ZNF124: variants seen among roughly 807,000 people sequenced by gnomAD.
The protein encoded by ZNF124 is zinc finger protein 124.
A neutral mutation model predicts 26.6 loss-of-function variants in ZNF124; 25 were observed. That is an observed-to-expected ratio of 0.94 (90% CI 0.68 to 1.31). The LOEUF is 1.31. Ranked by LOEUF, ZNF124 falls within the 40% of genes most tolerant of loss-of-function variation. ZNF124 has a pLI of 0.00. For missense variants in ZNF124, 444 were observed against 422.2 expected, an observed-to-expected ratio of 1.05 and a Z score of -0.45; for synonymous variants, 129 against 133.3, an observed-to-expected ratio of 0.97 and a Z score of 0.22.
At chr1:247,138,337 T>G (rs953167887) in intron 3 of ZNF124, 2 of 158,076 alleles carry the variant, frequency 1.3e-5, no homozygotes, top group African/African-American at 4.8e-5. Flanking sequence ...TGGATGAAGC[T>G]GGAAGTCATC....
downstream of ZNF124, among the ~76,000 whole-genome samples, chr1:247,154,717 G>A (rs1306643406): frequency 6.6e-6 from 1 of 152,098 alleles, no homozygotes; most frequent in Non-Finnish European, 1.5e-5. Flanking sequence ...AAGTCAATTT[G>A]GCTGGGCACA....
intron 3 of ZNF124, among the ~76,000 whole-genome samples, chr1:247,146,770 G>A (rs893547376): frequency 1.4e-4 from 22 of 152,196 alleles, no homozygotes; most frequent in Admixed American, 1.3e-3. Flanking sequence ...ACATTGAGTT[G>A]TCACTGGATT....
chr1:247,168,008 C>A lies in ZNF124; in HGVS notation c.30+3840G>T, dbSNP rs1290025795. On this transcript the variant is annotated intron_variant, in intron 1 of 3. Transcript: ENST00000543802. The surrounding 1 kb of genome is among the most constrained non-coding windows in gnomAD (Gnocchi z 4.0). ...AAAACCATAATGAGATACCACCTTA[C>A]TCCTGTAAGAATGGCCATAATCATA... Among the ~76,000 whole-genome samples the A allele has an allele frequency of 6.6e-6, 1 of 152,194 alleles. No homozygotes were observed. The highest frequency in any genetic ancestry group is 1.5e-5 in the Non-Finnish European group (1 of 68,038).
chr1:247,158,765 G>T (rs974997490), intron 3 of ZNF124, among the ~76,000 whole-genome samples: 1 of 152,016 alleles, frequency 6.6e-6, no homozygotes, highest in African/African-American at 2.4e-5. Context: ...AAACAGCAGG[G>T]ATTACAGGCA....
chr1:247,139,894 T>C (rs1216326651), intron 3 of ZNF124, among the ~76,000 whole-genome samples: 1 of 152,206 alleles, frequency 6.6e-6, no homozygotes, highest in Non-Finnish European at 1.5e-5. Flanking sequence ...CCTTTGTAGG[T>C]GACCTGCCCT....
intron 3 of ZNF124, among the ~76,000 whole-genome samples, chr1:247,144,270 C>G (rs1285716862): frequency 6.6e-6 from 1 of 152,178 alleles, no homozygotes; most frequent in African/African-American, 2.4e-5. Flanking sequence ...AAGAATTTCA[C>G]CTTTATTCTG....
intron 1 of ZNF124, among the ~76,000 whole-genome samples, chr1:247,164,888 T>C (rs920572453): frequency 1.3e-5 from 2 of 151,986 alleles, no homozygotes; most frequent in South Asian, 2.1e-4. Context: ...CAAAACAGCA[T>C]GGTAATGGTA....
chr1:247,150,402 A>G (rs79938429), downstream of ZNF124, among the ~76,000 whole-genome samples: 3,915 of 152,340 alleles, frequency 0.026, 181 homozygotes, highest in African/African-American at 0.089. Flanking sequence ...CAGTCTTCAC[A>G]GAAAAGTCAG....
chr1:247,140,150 T>G (rs1672588821), intron 3 of ZNF124, among the ~76,000 whole-genome samples: 1 of 152,206 alleles, frequency 6.6e-6, no homozygotes, highest in Non-Finnish European at 1.5e-5. Flanking sequence ...TTGGCCACTT[T>G]ACAAAATACC....
intron 3 of ZNF124, among the ~76,000 whole-genome samples, chr1:247,144,334 C>T (rs546181206): frequency 2.0e-5 from 3 of 152,242 alleles, no homozygotes; most frequent in South Asian, 2.1e-4. Context: ...GATGAAATAG[C>T]GACAAAAATG....
intron 1 of ZNF124, among the ~76,000 whole-genome samples, chr1:247,163,572 C>G (rs1673615759): frequency 6.6e-6 from 1 of 151,672 alleles, no homozygotes; most frequent in African/African-American, 2.4e-5. Flanking sequence ...AACAAAAAAC[C>G]TCCCAAGATT....
rs1673912365 is a variant in ZNF124 at position 247,168,595 on chromosome 1, A to G, written c.30+3253T>C. Among the ~76,000 whole-genome samples, 1 of 152,230 alleles carries G rather than the reference A, an allele frequency of 6.6e-6. No individual in the cohort carries two copies. Among genetic ancestry groups the G allele is most frequent in the Admixed American group, 6.5e-5 (1 of 15,278 alleles). ...CATGTTAACAGTAGCACAATTTGCCACTGCAAAAATATGAAACAAACCTAA... is the reference window on the plus strand; with the variant it reads ...CATGTTAACAGTAGCACAATTTGCCGCTGCAAAAATATGAAACAAACCTAA... On this transcript the variant is annotated intron_variant, in intron 1 of 3. Transcript: ENST00000543802. This position sits in a 1 kb window ranked among gnomAD's most constrained non-coding sequence, Gnocchi z 4.0.
At chr1:247,131,604 C>G (rs971298967) in intron 3 of ZNF124, among the ~76,000 whole-genome samples, 3 of 152,232 alleles carry the variant, frequency 2.0e-5, no homozygotes, top group African/African-American at 7.2e-5. Context: ...CCTGCTTTAG[C>G]CAGGGAGGCT....
intron 2 of ZNF124, among the ~76,000 whole-genome samples, chr1:247,159,295 G>A (rs1572088727): frequency 6.6e-6 from 1 of 152,252 alleles, no homozygotes. Context: ...GACTGAATTA[G>A]TTGCCAGAGG....
At chr1:247,128,857 GT>G (rs1408976129) in intron 3 of ZNF124, among the ~76,000 whole-genome samples, 1 of 150,672 alleles carries the variant, frequency 6.6e-6, no homozygotes, top group Non-Finnish European at 1.5e-5. Flanking sequence ...CTGGGGGAGG[GT>G]GGGCATTGAG....
intron 3 of ZNF124, among the ~76,000 whole-genome samples, chr1:247,135,317 G>A (rs1025853087): frequency 6.6e-6 from 1 of 150,730 alleles, no homozygotes; most frequent in African/African-American, 2.4e-5. Flanking sequence ...AGAGAGAGAA[G>A]AATCAAAAAG....
chr1:247,145,025 C>T (rs145497863), intron 3 of ZNF124, among the ~76,000 whole-genome samples: 3,937 of 152,268 alleles, frequency 0.026, 185 homozygotes, highest in African/African-American at 0.09. Context: ...CCACCCGCCT[C>T]GGCCTCCCAA....
At position 247,169,668 on chromosome 1, in the gene ZNF124, T is replaced by C. The variant is rs200155868; in HGVS notation, c.30+2180A>G. Among the ~76,000 whole-genome samples the C allele has an allele frequency of 3.6e-3, 534 of 146,774 alleles. 5 individuals are homozygous for C. The highest frequency in any genetic ancestry group is 0.011 in the African/African-American group (438 of 38,348). On this transcript the variant is annotated intron_variant, in intron 1 of 3. Transcript: ENST00000543802. ...GTTCCTGCCTCACTGCGGGGCGGGG[T>C]TTCCTTGTACTTTGGAATAGCTGTT...
In ZNF124 at chr1:247,157,617, T is replaced by C; in HGVS notation, c.219-214A>G. 8.4e-6 allele frequency: 5 copies of C among 597,110 alleles called. No individual in the cohort carries two copies. The East Asian group carries it at 1.5e-4, about 17-fold the overall frequency. The allele number at this position is 597,110 out of a possible 1,614,324, so 37.0% of individuals were successfully genotyped here. A position where few individuals can be genotyped will look rare whatever the true frequency, so the allele number is the denominator to read the frequency against. ...TGGTTTATTAGTTATTTTCTTTTAT[T>C]ACTAAGTCTGAACTTACACTGCTAC... On this transcript the variant is annotated intron_variant, in intron 3 of 3. Transcript: ENST00000543802.
Sources: gnomAD v4.1 joint callset for allele counts (sites outside exome capture counted in the v4.1 genomes callset) on GRCh38, gnomAD v4.1.1 for gene constraint, Gnocchi (gnomAD v3.1) non-coding constraint, MANE v1.5 for transcripts, NCBI Gene and HGNC (gene_info 2026-07-23, HGNC 2026-07-21) for gene names.